The following MCC variants were observed in gnomAD, a reference collection of about 807,000 sequenced individuals.
The protein encoded by MCC is MCC regulator of Wnt signaling pathway, also known as colorectal mutant cancer protein.
Under a neutral mutation model 116.2 loss-of-function variants are expected in MCC, and 90 were observed. That is an observed-to-expected ratio of 0.77 (90% CI 0.65 to 0.92). MCC has a LOEUF of 0.92. MCC is among the 40% of genes least tolerant of loss of function. MCC has a pLI of 0.00. For synonymous variants in MCC, 578 were observed against 510.5 expected (o/e 1.13, Z -1.78); for missense variants, 1,516 against 1,312.2 (o/e 1.16, Z -2.40).
chr5:113,401,128 C>T (rs1015689908), intron 1 of MCC, among the ~76,000 whole-genome samples: 3 of 152,160 alleles, frequency 2.0e-5, no homozygotes, highest in African/African-American at 7.2e-5. Flanking sequence ...TTTAATAATA[C>T]TTCCAGAATA....
chr5:113,162,824 T>C (rs1363918049), intron 3 of MCC, among the ~76,000 whole-genome samples: 1 of 152,070 alleles, frequency 6.6e-6, no homozygotes. Context: ...TGACCACAAT[T>C]ATCATATGCC....
In MCC at chr5:113,026,414, G is replaced by C. The variant is rs1406585215; in HGVS notation, c.*888C>G. The C allele has an allele frequency of 2.0e-5, 3 of 152,264 alleles. No homozygotes were observed. The highest frequency in any genetic ancestry group is 2.9e-5 in the Non-Finnish European group (2 of 68,060). 9.4% of individuals were successfully genotyped at this position (152,264 alleles called of 1,614,324 possible). ...TTTGATTCAGCAGAACAGCAATTAT[G>C]TAGTGCCCTGGGGCGGGAAGTGCTA... On this transcript the variant is annotated 3_prime_UTR_variant, in exon 19 of 19. Coordinates refer to ENST00000408903, the MANE Select transcript of MCC (RefSeq NM_001085377.2).
intron 13 of MCC, among the ~76,000 whole-genome samples, chr5:113,066,022 T>C (rs1238070201): frequency 1.3e-5 from 2 of 152,388 alleles, no homozygotes; most frequent in Non-Finnish European, 1.5e-5. Context: ...ACATTTTACA[T>C]ACATCTCACC....
intron 8 of MCC, among the ~76,000 whole-genome samples, chr5:113,092,861 C>T (rs1755734330): frequency 6.6e-6 from 1 of 152,178 alleles, no homozygotes; most frequent in Admixed American, 6.5e-5. Flanking sequence ...ACATGTGATC[C>T]TGAGTAATTC....
rs1554104008 is a variant in MCC, at chr5:113,025,573, G to GTC, written c.*1728_*1729insGA. On this transcript the variant is annotated 3_prime_UTR_variant, in exon 19 of 19. Coordinates refer to ENST00000408903, the MANE Select transcript of MCC (RefSeq NM_001085377.2). Reference sequence around the variant, plus strand: ...TCACGCCACTGCACTTCAGCCTGGTGACGAGCAAAACTCCATCTCAAAAAA... The same window carrying GTC: ...TCACGCCACTGCACTTCAGCCTGGTGTCACGAGCAAAACTCCATCTCAAAAAA... 1.8e-4 allele frequency: 6 copies of GTC among 32,922 alleles called. No individual in the cohort carries two copies. The highest frequency in any genetic ancestry group is 9.6e-4 in the African/African-American group (6 of 6,272). 2.0% of individuals were successfully genotyped at this position (32,922 alleles called of 1,614,324 possible). A position where few individuals can be genotyped will look rare whatever the true frequency, so the allele number is the denominator to read the frequency against.
At chr5:113,091,368 A>T (rs1298408059) in intron 8 of MCC, among the ~76,000 whole-genome samples, 3 of 152,168 alleles carry the variant, frequency 2.0e-5, no homozygotes, top group Non-Finnish European at 4.4e-5. Flanking sequence ...AGGTCCACAA[A>T]GCTGCCAGAC....
At chr5:113,468,138 C>T (rs367958443) in intron 1 of MCC, among the ~76,000 whole-genome samples, 2 of 152,134 alleles carry the variant, frequency 1.3e-5, no homozygotes, top group African/African-American at 4.8e-5. Flanking sequence ...CAGGGACAAT[C>T]TGACTTCCTC....
chr5:113,288,781 T>A (rs1224164551), intron 3 of MCC, among the ~76,000 whole-genome samples: 1 of 152,196 alleles, frequency 6.6e-6, no homozygotes, highest in East Asian at 1.9e-4. Context: ...GGAGAAAGGC[T>A]ACCTGGGCAC....
chr5:113,284,836 C>A (rs531108106), intron 3 of MCC, among the ~76,000 whole-genome samples: 4 of 152,090 alleles, frequency 2.6e-5, no homozygotes, highest in Non-Finnish European at 5.9e-5. Context: ...TGTTATAAAT[C>A]AATAAATTGA....
rs369538433 is a variant in MCC at position 113,031,892 on chromosome 5, G to A, written c.2757-2836C>T. 1.2e-3 allele frequency among the ~76,000 whole-genome samples: 182 copies of A among 152,280 alleles called. 1 individual carries two copies. Among genetic ancestry groups the A allele is most frequent in the African/African-American group, 4.1e-3 (172 of 41,566 alleles). On this transcript the variant is annotated intron_variant, in intron 17 of 18. Transcript: ENST00000408903. ...GCCAACCCCAGCTTAGGGTTGTGGC[G>A]CAGGAGTGGGGAGTAGCCATTGCTG...
intron 3 of MCC, among the ~76,000 whole-genome samples, chr5:113,155,460 C>T (rs556538955): frequency 5.5e-4 from 83 of 152,292 alleles, no homozygotes; most frequent in African/African-American, 1.9e-3. Context: ...GGAACCTCCA[C>T]ACTGTTTTCC....
chr5:113,272,211 C>G (rs1765641578), intron 3 of MCC, among the ~76,000 whole-genome samples: 1 of 152,120 alleles, frequency 6.6e-6, no homozygotes, highest in Admixed American at 6.5e-5. Context: ...TATTTAACTT[C>G]TCTGTCTCAA....
chr5:113,370,748 T>C (rs1768818520), intron 2 of MCC, among the ~76,000 whole-genome samples: 2 of 152,186 alleles, frequency 1.3e-5, no homozygotes, highest in African/African-American at 2.4e-5. Context: ...TTTTCCAGCA[T>C]TGAACATATA....
Position 113,383,484 on chromosome 5 carries a change from G to A in MCC, c.415+1484C>T, listed in dbSNP as rs762464863. ...ACTGCAAGATACAAAATATGCAGAA[G>A]ATATGTGGAAAAATTAGTAAAACAC... On this transcript the variant is annotated intron_variant, in intron 2 of 18. Transcript: ENST00000408903. Among the ~76,000 whole-genome samples the A allele has an allele frequency of 3.9e-4, 59 of 152,120 alleles. 1 individual carries two copies. The highest frequency in any genetic ancestry group is 2.1e-3 in the South Asian group (10 of 4,814).
chr5:113,325,412 C>T (rs981894036), intron 3 of MCC, among the ~76,000 whole-genome samples: 3 of 150,352 alleles, frequency 2.0e-5, no homozygotes, highest in African/African-American at 7.4e-5. Flanking sequence ...TTTCATTACT[C>T]GGGCTTCTCG....
intron 1 of MCC, among the ~76,000 whole-genome samples, chr5:113,462,120 A>C (rs1771761092): frequency 6.6e-6 from 1 of 152,256 alleles, no homozygotes; most frequent in Admixed American, 6.5e-5. Flanking sequence ...TTCTTGCTTT[A>C]CTTTTCAAAG....
intron 2 of MCC, among the ~76,000 whole-genome samples, chr5:113,374,186 C>A (rs1208612211): frequency 6.6e-6 from 1 of 151,504 alleles, no homozygotes; most frequent in Non-Finnish European, 1.5e-5. Context: ...GCCACGGTGC[C>A]CAGCCTGGGG....
chr5:113,316,603 C>T (rs1227467812), intron 3 of MCC, among the ~76,000 whole-genome samples: 1 of 152,182 alleles, frequency 6.6e-6, no homozygotes, highest in Non-Finnish European at 1.5e-5. Flanking sequence ...TCTGCAATCT[C>T]TACCTTTAAT....
intron 1 of MCC, among the ~76,000 whole-genome samples, chr5:113,399,644 T>A (rs1769626430): frequency 6.6e-6 from 1 of 152,156 alleles, no homozygotes; most frequent in Admixed American, 6.5e-5. Flanking sequence ...TAATTTTGGA[T>A]TCATTTCTAC....
Sources: allele counts gnomAD v4.1 joint callset (sites outside exome capture counted in the v4.1 genomes callset), GRCh38; gene constraint gnomAD v4.1.1; transcripts MANE v1.5; gene names NCBI Gene and HGNC (gene_info 2026-07-23, HGNC 2026-07-21).